The following KIF4A variants were observed in gnomAD, a reference collection of about 807,000 sequenced individuals.
KIF4A encodes kinesin family member 4A.
A neutral mutation model predicts 105.9 loss-of-function variants in KIF4A; 7 were observed. That is an observed-to-expected ratio of 0.07 (90% CI 0.04 to 0.12). KIF4A has a LOEUF of 0.12. Among genes scored for constraint, KIF4A ranks in the 10% least tolerant of loss-of-function variants. The pLI is 1.00. For missense variants in KIF4A, 558 were observed against 929.2 expected (o/e 0.60, Z 5.19); for synonymous variants, 281 against 331.3 (o/e 0.85, Z 1.65).
intron 13 of KIF4A, among the ~76,000 whole-genome samples, chrX:70,349,775 G>A (rs1342455580): frequency 7.6e-4 from 64 of 84,374 alleles, no homozygotes; most frequent in Non-Finnish European, 1.1e-3. Context: ...CAGACGGGGC[G>A]GCCGGGCAGA....
At chrX:70,337,965 T>G (rs1409366637) in intron 10 of KIF4A, among the ~76,000 whole-genome samples, 1 of 111,906 alleles carries the variant, frequency 8.9e-6, no homozygotes, top group Non-Finnish European at 1.9e-5. Flanking sequence ...TTGGCCCTTA[T>G]TTTTGACAAT....
chrX:70,411,622 A>G (rs960256252), intron 28 of KIF4A, among the ~76,000 whole-genome samples: 1 of 110,825 alleles, frequency 9.0e-6, no homozygotes, highest in African/African-American at 3.3e-5. Context: ...CTAGGACTCC[A>G]CCCCCAGATA....
chrX:70,407,896 C>T (rs1386559782), intron 28 of KIF4A, among the ~76,000 whole-genome samples: 6 of 111,103 alleles, frequency 5.4e-5, no homozygotes, highest in African/African-American at 1.3e-4. Context: ...GAAGAAACCT[C>T]GTCTCTACTA....
At chrX:70,359,792 G>A (rs150136152) in intron 15 of KIF4A, among the ~76,000 whole-genome samples, 194 of 111,618 alleles carry the variant, frequency 1.7e-3, no homozygotes, top group Middle Eastern at 0.014. Flanking sequence ...ACCCTGGGTT[G>A]TGAGGGAGGG....
chrX:70,342,117 T>G (rs1231713419), intron 11 of KIF4A, among the ~76,000 whole-genome samples, 186 bp downstream of exon 11: 2 of 112,476 alleles, frequency 1.8e-5, no homozygotes, highest in East Asian at 5.5e-4. Flanking sequence ...ACAGAAAAGT[T>G]AAAAGAATTG....
At chrX:70,306,605 C>T (rs1405195789) in intron 7 of KIF4A, among the ~76,000 whole-genome samples, 10 of 109,675 alleles carry the variant, frequency 9.1e-5, no homozygotes. Context: ...GGTGTGATCT[C>T]GGCTCACTGC....
At chrX:70,362,218 G>A (rs1026768417) in intron 15 of KIF4A, 13 of 335,040 alleles carry the variant, frequency 3.9e-5, no homozygotes, top group Admixed American at 1.5e-4. Flanking sequence ...ACCTCTCTCT[G>A]GTTGACCAAG....
intron 28 of KIF4A, among the ~76,000 whole-genome samples, chrX:70,413,491 G>A (rs1178502137): frequency 3.6e-5 from 4 of 110,354 alleles, no homozygotes; most frequent in Admixed American, 2.9e-4. Flanking sequence ...AAAATTAGCC[G>A]GGCGTGATGG....
intron 17 of KIF4A, 33 bp downstream of exon 17, chrX:70,375,381 T>C (rs1341133592): frequency 1.4e-5 from 17 of 1,187,166 alleles, no homozygotes; most frequent in Non-Finnish European, 1.8e-5. Flanking sequence ...TTTACCCCCA[T>C]TGGAATTTAC....
chrX:70,292,209 C>T (rs1182332120), intron 3 of KIF4A, among the ~76,000 whole-genome samples: 1 of 111,964 alleles, frequency 8.9e-6, no homozygotes, highest in Non-Finnish European at 1.9e-5. Context: ...ATAAAATTTG[C>T]ACTGCTACAT....
In KIF4A at chrX:70,420,028, A is replaced by G. The variant is rs768370397; in HGVS notation, c.3496-34A>G. ...CTGGGCTGAGCTTCTGCCCCTTTCTAAAGTCTATTCATACCTGTCTCTGTC... is the reference window on the plus strand; with the variant it reads ...CTGGGCTGAGCTTCTGCCCCTTTCTGAAGTCTATTCATACCTGTCTCTGTC... On this transcript the variant is annotated intron_variant, in intron 30 of 30. Coordinates refer to ENST00000374403, the MANE Select transcript of KIF4A (RefSeq NM_012310.5). The G allele has an allele frequency of 2.5e-6, 3 of 1,177,361 alleles. No individual in the cohort carries two copies. In the African/African-American group the frequency reaches 5.4e-5, roughly 21 times the overall value.
intron 15 of KIF4A, among the ~76,000 whole-genome samples, chrX:70,362,945 C>T (rs1044759946): frequency 7.2e-5 from 8 of 111,196 alleles, no homozygotes; most frequent in Non-Finnish European, 1.5e-4. Flanking sequence ...TATCTAGAGA[C>T]AAAGTCTCAC....
At chrX:70,367,660 C>T (rs1463476968) in intron 15 of KIF4A, among the ~76,000 whole-genome samples, 1 of 111,810 alleles carries the variant, frequency 8.9e-6, no homozygotes, top group Non-Finnish European at 1.9e-5. Flanking sequence ...GTAACCCGAC[C>T]TTTCTCTCTG....
chrX:70,310,311 TTGTGTGTGTGTGTGTG>T (rs1555945529), intron 7 of KIF4A, among the ~76,000 whole-genome samples: 1 of 86,283 alleles, frequency 1.2e-5, no homozygotes. Context: ...CTCAAAATGG[TTGTGTGTGTGTGTGTG>T]TGTGTGTGTG....
At chrX:70,307,630 C>T (rs1259064952) in intron 7 of KIF4A, among the ~76,000 whole-genome samples, 1 of 112,032 alleles carries the variant, frequency 8.9e-6, no homozygotes, top group East Asian at 2.8e-4. Context: ...GTGTTTTTAT[C>T]ATGAATGGGT....
intron 10 of KIF4A, among the ~76,000 whole-genome samples, chrX:70,338,068 A>AT (rs201543870): frequency 9.0e-6 from 1 of 111,339 alleles, no homozygotes; most frequent in African/African-American, 3.3e-5. Flanking sequence ...TTTGTTTATG[A>AT]TTTTTTTGTC....
chrX:70,297,836 G>A (rs1243478837), intron 4 of KIF4A, among the ~76,000 whole-genome samples: 1 of 112,075 alleles, frequency 8.9e-6, no homozygotes, highest in Non-Finnish European at 1.9e-5. Context: ...TGATTCCATA[G>A]CAGTGATGTC....
chrX:70,369,929 A>G (rs2086123348), intron 15 of KIF4A, among the ~76,000 whole-genome samples: 1 of 111,372 alleles, frequency 9.0e-6, no homozygotes. Context: ...GTGACAGACC[A>G]TGGATACAAT....
chrX:70,347,509 T>A (rs1227088291), intron 13 of KIF4A, among the ~76,000 whole-genome samples: 1 of 111,527 alleles, frequency 9.0e-6, no homozygotes, highest in Non-Finnish European at 1.9e-5. Flanking sequence ...TCTTCAAGGA[T>A]TAACCCATCT....
Sources: allele counts gnomAD v4.1 joint callset (sites outside exome capture counted in the v4.1 genomes callset), GRCh38; gene constraint gnomAD v4.1.1; transcripts MANE v1.5; gene names NCBI Gene and HGNC (gene_info 2026-07-23, HGNC 2026-07-21).